USH2A: variants seen among roughly 807,000 people sequenced by gnomAD.
USH2A encodes Usher syndrome 2A (autosomal recessive, mild).
USH2A carries 443 observed loss-of-function variants against 538.9 expected under a neutral mutation model. That is an observed-to-expected ratio of 0.82 (90% CI 0.76 to 0.89). The LOEUF (loss-of-function observed/expected upper bound fraction) is 0.89, where lower values mean the gene tolerates loss of function less well. USH2A is among the 40% of genes least tolerant of loss of function. The pLI is 0.00. For synonymous variants in USH2A, 2,413 were observed against 2,273.5 expected, an observed-to-expected ratio of 1.06 and a Z score of -1.75; for missense variants, 6,633 against 6,324.8, an observed-to-expected ratio of 1.05 and a Z score of -1.65.
chr1:215,909,061 CAT>C (rs1249141188), intron 38 of USH2A, among the ~76,000 whole-genome samples: 2 of 150,374 alleles, frequency 1.3e-5, no homozygotes, highest in East Asian at 3.9e-4. Flanking sequence ...TATATAATTA[CAT>C]ATGACTGATA....
intron 32 of USH2A, among the ~76,000 whole-genome samples, chr1:216,038,747 A>T (rs2030121549): frequency 6.6e-6 from 1 of 152,048 alleles, no homozygotes. Flanking sequence ...CAATTTAAGC[A>T]CTTTAAAACG....
chr1:216,148,900 T>C (rs2033770742), intron 21 of USH2A, among the ~76,000 whole-genome samples: 1 of 152,078 alleles, frequency 6.6e-6, no homozygotes, highest in Non-Finnish European at 1.5e-5. Flanking sequence ...TTACCTAGGC[T>C]GTACTGCTGC....
rs545462027 is a variant in USH2A at position 216,238,942 on chromosome 1, A to T, written c.2810-6806T>A. On this transcript the variant is annotated intron_variant, in intron 13 of 71. Transcript: ENST00000307340. The stretch of plus-strand genomic sequence containing the variant: ...GTGGTATATGATCTAGGTCTCTCAG[A>T]CATGTTTAAATAAGTAAATGAAAGC... Among the ~76,000 whole-genome samples the T allele has an allele frequency of 3.3e-5, 5 of 152,216 alleles. No homozygotes were observed. In the South Asian group the frequency reaches 8.3e-4, roughly 25 times the overall value.
rs150209313 is a variant in USH2A at position 216,327,668 on chromosome 1, CAT to C, written c.785-16_785-15del. On this transcript the variant is annotated splice_polypyrimidine_tract_variant and intron_variant, in intron 4 of 71. Coordinates refer to ENST00000307340, the MANE Select transcript of USH2A (RefSeq NM_206933.4). ...ACTGCTCTAAACCTGCAAATACACA[CAT>C]GTGCATAATATAAGAAGTCTCTGTT... 861 of 1,612,814 alleles carry C rather than the reference CAT, an allele frequency of 5.3e-4. 8 individuals are homozygous for C. In the East Asian group the frequency reaches 0.015, roughly 29 times the overall value.
At chr1:216,359,302 G>A (rs1003957642) in intron 4 of USH2A, among the ~76,000 whole-genome samples, 3 of 151,960 alleles carry the variant, frequency 2.0e-5, no homozygotes, top group African/African-American at 7.2e-5. Flanking sequence ...GATGTTCAAA[G>A]AGTTTAAAAA....
intron 40 of USH2A, among the ~76,000 whole-genome samples, chr1:215,896,262 G>A (rs1665336837): frequency 6.6e-6 from 1 of 150,878 alleles, no homozygotes. Context: ...TTAAATATAT[G>A]ACAACTAAAT....
intron 9 of USH2A, among the ~76,000 whole-genome samples, chr1:216,294,161 AC>A (rs1386715026): frequency 6.6e-6 from 1 of 152,220 alleles, no homozygotes; most frequent in East Asian, 1.9e-4. Context: ...CAATTTATGG[AC>A]AAAGCAAAAT....
chr1:215,890,765 C>G (rs930853111), intron 40 of USH2A, among the ~76,000 whole-genome samples: 8 of 152,064 alleles, frequency 5.3e-5, no homozygotes, highest in Admixed American at 2.6e-4. Context: ...CTAGATTTGG[C>G]TATTTCCCAG....
chr1:216,028,359 C>A (rs1001068453), intron 32 of USH2A, among the ~76,000 whole-genome samples: 1 of 151,696 alleles, frequency 6.6e-6, no homozygotes, highest in Non-Finnish European at 1.5e-5. Context: ...TACACACCAG[C>A]CTGGGCGACA....
At chr1:216,311,618 G>A (rs1571689372) in intron 9 of USH2A, among the ~76,000 whole-genome samples, 1 of 152,058 alleles carries the variant, frequency 6.6e-6, no homozygotes, top group Admixed American at 6.6e-5. Context: ...GCTTGTTTCT[G>A]TGCCGCCATT....
At chr1:215,717,307 A>G (rs1047796123) in intron 61 of USH2A, among the ~76,000 whole-genome samples, 3 of 152,190 alleles carry the variant, frequency 2.0e-5, no homozygotes, top group African/African-American at 7.2e-5. Context: ...GATGATAGAA[A>G]GGTCTACGGA....
At chr1:216,205,515 G>C (rs969049329) in intron 16 of USH2A, among the ~76,000 whole-genome samples, 1 of 152,170 alleles carries the variant, frequency 6.6e-6, no homozygotes, top group Non-Finnish European at 1.5e-5. Context: ...TATGAATTAG[G>C]TGCAAAATGA....
At chr1:215,978,255 G>T (rs982584773) in intron 35 of USH2A, among the ~76,000 whole-genome samples, 2 of 152,318 alleles carry the variant, frequency 1.3e-5, no homozygotes, top group South Asian at 2.1e-4. Context: ...TTGCTGTAAA[G>T]AGGAGGGAAT....
chr1:216,114,533 A>T (rs1218617228), intron 21 of USH2A, among the ~76,000 whole-genome samples: 1 of 152,120 alleles, frequency 6.6e-6, no homozygotes, highest in Non-Finnish European at 1.5e-5. Flanking sequence ...TTTTTTACAT[A>T]ATTTTATTCC....
At chr1:215,901,517 A>G (rs1665501732) in intron 38 of USH2A, 1 of 158,658 alleles carries the variant, frequency 6.3e-6, no homozygotes, top group African/African-American at 2.4e-5. Flanking sequence ...TGTGTTTTAT[A>G]CAATTACCCT....
chr1:216,321,008 C>T (rs1484860770), intron 9 of USH2A, among the ~76,000 whole-genome samples: 2 of 151,892 alleles, frequency 1.3e-5, no homozygotes, highest in South Asian at 2.1e-4. Flanking sequence ...TGATAAAAGC[C>T]CTCAACTTAA....
rs575948051 is a variant in USH2A at position 216,011,035 on chromosome 1, C to T, written c.6326-10473G>A. 9.9e-5 allele frequency among the ~76,000 whole-genome samples: 15 copies of T among 152,008 alleles called. No homozygotes were observed. In the South Asian group the frequency reaches 2.7e-3, roughly 27 times the overall value. The stretch of plus-strand genomic sequence containing the variant: ...TGAAAGGATTAAAGCCTGTTATCAC[C>T]CGCCTGCTACAGCATGGCCTTTTAA... On this transcript the variant is annotated intron_variant, in intron 32 of 71. Coordinates refer to ENST00000307340, the MANE Select transcript of USH2A (RefSeq NM_206933.4).
intron 11 of USH2A, among the ~76,000 whole-genome samples, chr1:216,282,609 G>A (rs2036804214): frequency 6.6e-6 from 1 of 152,104 alleles, no homozygotes; most frequent in South Asian, 2.1e-4. Flanking sequence ...CTTTATCCCA[G>A]TACCATGCTG....
intron 38 of USH2A, among the ~76,000 whole-genome samples, chr1:215,933,482 T>C (rs1187123677): frequency 6.6e-6 from 1 of 152,032 alleles, no homozygotes; most frequent in Non-Finnish European, 1.5e-5. Context: ...GCTTCTGACA[T>C]TTACAGTTTC....
Sources: gnomAD v4.1 joint callset for allele counts (sites outside exome capture counted in the v4.1 genomes callset) on GRCh38, gnomAD v4.1.1 for gene constraint, MANE v1.5 for transcripts, NCBI Gene and HGNC (gene_info 2026-07-23, HGNC 2026-07-21) for gene names.